Variants in FBXO11 observed in about 807,000 individuals in gnomAD.
FBXO11 encodes F-box only protein 11.
A neutral mutation model predicts 117.0 loss-of-function variants in FBXO11; 13 were observed. The observed-to-expected ratio is 0.11, with a 90% CI of 0.07 to 0.18. FBXO11 has a LOEUF of 0.18. Ranked by LOEUF, FBXO11 falls within the 10% of genes least tolerant of loss-of-function variation. The pLI, the probability that FBXO11 is intolerant of heterozygous loss-of-function variation, is 1.00. For synonymous variants in FBXO11, 490 were observed against 380.5 expected (o/e 1.29, Z -3.35); for missense variants, 767 against 1,164.4 (o/e 0.66, Z 4.97).
At chr2:47,856,814 A>G (rs1237681934) in intron 1 of FBXO11, among the ~76,000 whole-genome samples, 2 of 152,252 alleles carry the variant, frequency 1.3e-5, no homozygotes, top group Non-Finnish European at 2.9e-5. Flanking sequence ...AAAATGTAGA[A>G]CTGAAACAGT....
chr2:47,814,902 T>C (rs930007322), intron 16 of FBXO11, among the ~76,000 whole-genome samples: 9 of 152,192 alleles, frequency 5.9e-5, no homozygotes, highest in Non-Finnish European at 1.3e-4. Context: ...GTTCACAGCA[T>C]CTTCAACAGG....
chr2:47,891,866 T>G (rs1003325849), intron 1 of FBXO11, among the ~76,000 whole-genome samples: 2 of 152,224 alleles, frequency 1.3e-5, no homozygotes, highest in Admixed American at 1.3e-4. Context: ...TCCCTGATGA[T>G]TAATGATGTT....
intron 1 of FBXO11, among the ~76,000 whole-genome samples, chr2:47,866,110 A>G (rs1011992275): frequency 6.6e-6 from 1 of 151,936 alleles, no homozygotes; most frequent in South Asian, 2.1e-4. Context: ...TTGGCTGGGC[A>G]TGGTGGCACA....
intron 1 of FBXO11, among the ~76,000 whole-genome samples, chr2:47,859,916 A>G (rs1217562803): frequency 6.6e-6 from 1 of 152,174 alleles, no homozygotes; most frequent in Non-Finnish European, 1.5e-5. Context: ...AAGTTATCCT[A>G]AATGCTTAGT....
At chr2:47,877,123 C>T (rs1676065235) in intron 1 of FBXO11, among the ~76,000 whole-genome samples, 1 of 151,744 alleles carries the variant, frequency 6.6e-6, no homozygotes, top group South Asian at 2.1e-4. Flanking sequence ...ACCTCCTGGG[C>T]TTAAGCGATC....
rs372177890 is a variant in FBXO11, at chr2:47,846,096, A to C, written c.233-6327T>G. Among the ~76,000 whole-genome samples, 5 of 152,350 alleles carry C rather than the reference A, an allele frequency of 3.3e-5. No homozygotes were observed. In the East Asian group the frequency reaches 9.6e-4, roughly 29 times the overall value. ...GCCAACGATCCATGATAGATGCGGC[A>C]AACTGGCTCCAACCCAAGAAACACG... On this transcript the variant is annotated intron_variant, in intron 1 of 22. Coordinates refer to ENST00000403359, the MANE Select transcript of FBXO11 (RefSeq NM_001190274.2).
At chr2:47,867,906 C>A (rs1242445980) in intron 1 of FBXO11, among the ~76,000 whole-genome samples, 1 of 152,048 alleles carries the variant, frequency 6.6e-6, no homozygotes, top group Admixed American at 6.5e-5. Flanking sequence ...TTTCTCATGT[C>A]CAATAATTAG....
chr2:47,896,825 G>C (rs1026122869), intron 1 of FBXO11, among the ~76,000 whole-genome samples: 2 of 152,164 alleles, frequency 1.3e-5, no homozygotes, highest in Non-Finnish European at 2.9e-5. Context: ...TAAAGTGAGT[G>C]AGTCTATAAT....
intron 1 of FBXO11, among the ~76,000 whole-genome samples, chr2:47,869,524 A>G (rs1406805504): frequency 6.6e-6 from 1 of 152,214 alleles, no homozygotes; most frequent in Non-Finnish European, 1.5e-5. Context: ...ATGGAAAACT[A>G]CAACAACCCA....
chr2:47,820,787 G>A (rs893524690), intron 13 of FBXO11, among the ~76,000 whole-genome samples: 2 of 152,092 alleles, frequency 1.3e-5, no homozygotes, highest in African/African-American at 4.8e-5. Context: ...ATATTTAATG[G>A]TATCTACCTC....
chr2:47,883,657 A>T, intron 1 of FBXO11: 1 of 284,174 alleles, frequency 3.5e-6, no homozygotes, highest in South Asian at 3.7e-5. Context: ...TCTACTCTTC[A>T]TCTTGTGTTG....
intron 1 of FBXO11, among the ~76,000 whole-genome samples, chr2:47,895,614 C>G (rs188701742): frequency 6.6e-6 from 1 of 152,170 alleles, no homozygotes; most frequent in South Asian, 2.1e-4. Flanking sequence ...AAGCTGTACA[C>G]GGATGATTTG....
rs1671447123 is a variant in FBXO11 at position 47,822,293 on chromosome 2, T to C, written c.1627A>G (p.Ile543Val). 2 of 1,582,298 alleles carry C rather than the reference T, an allele frequency of 1.3e-6. No homozygotes were observed. The highest frequency in any genetic ancestry group is 1.7e-4 in the Middle Eastern group (1 of 5,982). Residue 543 changes from isoleucine to valine, a missense_variant, in exon 13 of 23, where the codon ATA becomes GTA. Physicochemically the swap from Ile to Val is conservative, Grantham distance 29. Transcript: ENST00000403359. ...ACTCCTCCTTGATTTCCATTAAATA[T>C]AGAATTTCCCCTATAATTATGCGAA... ...NSDPTIRGNS[I>V]FNGNQGGVYI...
In FBXO11 at chr2:47,853,273, C is replaced by T. The variant is rs1232269950; in HGVS notation, c.233-13504G>A. Among the ~76,000 whole-genome samples the T allele has an allele frequency of 3.3e-5, 5 of 151,854 alleles. No individual in the cohort carries two copies. In the East Asian group the frequency reaches 5.8e-4, roughly 18 times the overall value. On this transcript the variant is annotated intron_variant, in intron 1 of 22. Coordinates refer to ENST00000403359, the MANE Select transcript of FBXO11 (RefSeq NM_001190274.2). Reference sequence around the variant, plus strand: ...TTTCAGTACAGACGGGGCTTCACCACGTTGGCCAGGCTGGTCTCGAACTTC... The same window carrying T: ...TTTCAGTACAGACGGGGCTTCACCATGTTGGCCAGGCTGGTCTCGAACTTC...
intron 1 of FBXO11, among the ~76,000 whole-genome samples, chr2:47,879,097 T>C (rs367805415): frequency 2.6e-5 from 4 of 152,184 alleles, no homozygotes; most frequent in Non-Finnish European, 4.4e-5. Context: ...AAAAAAAATA[T>C]GAATATAAAT....
intron 11 of FBXO11, among the ~76,000 whole-genome samples, chr2:47,829,765 T>C (rs1378115427): frequency 6.6e-6 from 1 of 151,166 alleles, no homozygotes; most frequent in African/African-American, 2.4e-5. Context: ...CAAGAGATGA[T>C]GAAGTCTGGT....
At chr2:47,815,467 G>C (rs1182043317) in intron 16 of FBXO11, among the ~76,000 whole-genome samples, 1 of 152,174 alleles carries the variant, frequency 6.6e-6, no homozygotes, top group Non-Finnish European at 1.5e-5. Context: ...GAGAAAAGGA[G>C]GCAGGAACCA....
At chr2:47,819,167 T>C (rs1411130345) in intron 14 of FBXO11, 89 bp from the exon 15 acceptor site, 3 of 1,390,200 alleles carry the variant, frequency 2.2e-6, no homozygotes, top group Non-Finnish European at 2.9e-6. Context: ...AGTTAAAAAA[T>C]TTTCCATTTT....
Position 47,811,143 on chromosome 2 carries a change from ATT to A in FBXO11, c.2228-719_2228-718del, listed in dbSNP as rs1670584346. On this transcript the variant is annotated intron_variant, in intron 18 of 22. Transcript: ENST00000403359. ...TCCTCCTCCTGTTCACTCCCTGGGT[ATT>A]AATATTTCTGGGTTCTGTCCCTCAT... 2.0e-5 allele frequency: 3 copies of A among 152,294 alleles called. No homozygotes were observed. In the East Asian group the frequency reaches 5.8e-4, roughly 29 times the overall value. The allele number at this position is 152,294 out of a possible 1,614,324, so 9.4% of individuals were successfully genotyped here.
Sources: allele counts gnomAD v4.1 joint callset (sites outside exome capture counted in the v4.1 genomes callset), GRCh38; gene constraint gnomAD v4.1.1; transcripts MANE v1.5; gene names NCBI Gene and HGNC (gene_info 2026-07-23, HGNC 2026-07-21).